NIPSNAP3A: variants seen among roughly 807,000 people sequenced by gnomAD.
NIPSNAP3A encodes protein NipSnap homolog 3A.
NIPSNAP3A carries 27 observed loss-of-function variants against 32.3 expected under a neutral mutation model. That is an observed-to-expected ratio of 0.84 (90% CI 0.62 to 1.15). NIPSNAP3A has a LOEUF of 1.15. Ranked by LOEUF, NIPSNAP3A falls within the 50% of genes most tolerant of loss-of-function variation. NIPSNAP3A has a pLI of 0.00. For synonymous variants in NIPSNAP3A, 108 were observed against 107.3 expected (o/e 1.01, Z -0.04); for missense variants, 278 against 297.2 (o/e 0.94, Z 0.48).
At chr9:104,758,016 T>G (rs889674055) in intron 4 of NIPSNAP3A, among the ~76,000 whole-genome samples, 3 of 152,156 alleles carry the variant, frequency 2.0e-5, no homozygotes, top group Admixed American at 2.0e-4. Context: ...ATCTGCATTT[T>G]CCTATACATC....
chr9:104,754,383 T>A, intron 3 of NIPSNAP3A, 168 bp from the exon 4 acceptor site: 1 of 599,640 alleles, frequency 1.7e-6, no homozygotes, highest in Non-Finnish European at 2.9e-6. Flanking sequence ...AAGGACTTTC[T>A]AAGCATAAAA....
intron 1 of NIPSNAP3A, among the ~76,000 whole-genome samples, chr9:104,750,684 C>T (rs928641846): frequency 6.6e-6 from 1 of 152,200 alleles, no homozygotes; most frequent in Non-Finnish European, 1.5e-5. Context: ...CTCAGGCCCA[C>T]TCCTACCCTG....
chr9:104,758,967 G>A (rs377261772), intron 4 of NIPSNAP3A, 118 bp from the exon 5 acceptor site: 2 of 932,166 alleles, frequency 2.1e-6, no homozygotes, highest in East Asian at 3.0e-5. Flanking sequence ...TGAAACTCTT[G>A]TTTCAAAAAA....
chr9:104,748,234 C>T (rs1275594931), intron 1 of NIPSNAP3A, among the ~76,000 whole-genome samples: 1 of 152,192 alleles, frequency 6.6e-6, no homozygotes, highest in Non-Finnish European at 1.5e-5. Flanking sequence ...GCTGTGGAGC[C>T]GCGGGTGGAG....
chr9:104,752,058 C>T (rs1295472741), intron 2 of NIPSNAP3A, among the ~76,000 whole-genome samples: 5 of 152,132 alleles, frequency 3.3e-5, no homozygotes, highest in Non-Finnish European at 5.9e-5. Context: ...ATTAAAAAAA[C>T]TAAGTTCTGA....
chr9:104,754,751 T>C, intron 4 of NIPSNAP3A, 51 bp downstream of exon 4: 15 of 1,436,758 alleles, frequency 1.0e-5, no homozygotes, highest in Non-Finnish European at 1.4e-5. Context: ...TATTGTGACC[T>C]AAGTTCCTTG....
At chr9:104,756,970 A>C (rs968191099) in intron 4 of NIPSNAP3A, among the ~76,000 whole-genome samples, 1 of 151,704 alleles carries the variant, frequency 6.6e-6, no homozygotes, top group Non-Finnish European at 1.5e-5. Context: ...TGCCCAGCTA[A>C]TTTTTGTATT....
chr9:104,754,063 C>T (rs1173362810), intron 3 of NIPSNAP3A: 1 of 153,914 alleles, frequency 6.5e-6, no homozygotes, highest in African/African-American at 2.4e-5. Flanking sequence ...AAAGATATCA[C>T]TTCAGGTCCA....
Position 104,759,957 on chromosome 9 carries a change from G to A in NIPSNAP3A, c.*619G>A, listed in dbSNP as rs1209464827. ...GTCCTGGTATTAAAAATCTAGAAAA[G>A]ACTTGTTGGTTTATGTGCTGAAATG... On this transcript the variant is annotated 3_prime_UTR_variant, in exon 6 of 6. Coordinates refer to ENST00000374767, the MANE Select transcript of NIPSNAP3A (RefSeq NM_015469.3). 6.6e-6 allele frequency: 1 copy of A among 152,170 alleles called. No homozygotes were observed. 9.4% of individuals were successfully genotyped at this position (152,170 alleles called of 1,614,324 possible).
At chr9:104,753,200 G>T in intron 3 of NIPSNAP3A, 136 bp downstream of exon 3, 1 of 741,654 alleles carries the variant, frequency 1.3e-6, no homozygotes, top group South Asian at 1.7e-5. Context: ...TGATTGTTGT[G>T]GTAAAAATAA....
chr9:104,751,020 A>G lies in NIPSNAP3A; in HGVS notation c.125A>G (p.Tyr42Cys). ...YDGIFYEFRS[Y>C]YLKPSKMNEF... is the part of the protein sequence containing the mutation. ...GGAATATTCTATGAATTTCGTTCTT[A>G]TTACCTTAAGCCCTCAAAGATGAAT... is the stretch of plus-strand genomic sequence containing the variant. Residue 42 changes from tyrosine to cysteine, a missense_variant, in exon 2 of 6, where the codon TAT becomes TGT. Tyr to Cys is a radical substitution (Grantham distance 194, BLOSUM62 -2). Transcript: ENST00000374767. The G allele has an allele frequency of 6.2e-7, 1 of 1,614,010 alleles. No homozygotes were observed. Among genetic ancestry groups the G allele is most frequent in the Non-Finnish European group, 8.5e-7 (1 of 1,179,898 alleles).
At chr9:104,756,288 A>G (rs1827905574) in intron 4 of NIPSNAP3A, among the ~76,000 whole-genome samples, 1 of 152,176 alleles carries the variant, frequency 6.6e-6, no homozygotes, top group Admixed American at 6.5e-5. Context: ...TTTATTTAAT[A>G]ATGTGGATTG....
chr9:104,750,334 G>T (rs1237124663), intron 1 of NIPSNAP3A, among the ~76,000 whole-genome samples: 2 of 152,126 alleles, frequency 1.3e-5, no homozygotes, highest in Non-Finnish European at 1.5e-5. Context: ...GTGGCTAAAG[G>T]TGACAGTGAA....
At chr9:104,747,925 C>G (rs1403950193) in intron 1 of NIPSNAP3A, 73 bp downstream of exon 1, 1 of 1,405,784 alleles carries the variant, frequency 7.1e-7, no homozygotes, top group Non-Finnish European at 9.7e-7. Context: ...GTTCCGGGTA[C>G]GTGCGAGCAA....
rs192627256 is a variant in NIPSNAP3A at position 104,754,969 on chromosome 9, G to A, written c.580+269G>A. 4.7e-4 allele frequency among the ~76,000 whole-genome samples: 72 copies of A among 152,142 alleles called. 1 individual carries two copies. In the East Asian group the frequency reaches 8.3e-3, roughly 18 times the overall value. ...AACTGAAGGAACCTCGGCTGGGCAC[G>A]GTAGCTCAGGCCTGTAATCCCAGCA... On this transcript the variant is annotated intron_variant, in intron 4 of 5. Transcript: ENST00000374767.
intron 3 of NIPSNAP3A, among the ~76,000 whole-genome samples, chr9:104,753,331 T>C (rs1006943412): frequency 2.6e-5 from 4 of 152,174 alleles, no homozygotes; most frequent in Non-Finnish European, 5.9e-5. Flanking sequence ...ACATGGTCAG[T>C]AGAGGTTGAG....
chr9:104,753,891 C>A, intron 3 of NIPSNAP3A: 1 of 152,554 alleles, frequency 6.6e-6, no homozygotes, highest in Non-Finnish European at 1.5e-5. Context: ...TACATCACTG[C>A]TTGGAAATTT....
At chr9:104,752,840 A>AC (rs1277343749) in intron 2 of NIPSNAP3A, 66 bp from the exon 3 acceptor site, 6 of 1,389,442 alleles carry the variant, frequency 4.3e-6, no homozygotes, top group Non-Finnish European at 6.1e-6. Flanking sequence ...TGTGAATGAA[A>AC]CCCAGAAAAG....
intron 1 of NIPSNAP3A, among the ~76,000 whole-genome samples, chr9:104,750,618 T>G (rs1253950947): frequency 6.6e-6 from 1 of 152,192 alleles, no homozygotes; most frequent in Non-Finnish European, 1.5e-5. Context: ...ATGGGACACC[T>G]CTAGAGGGTA....
Sources: allele counts gnomAD v4.1 joint callset (sites outside exome capture counted in the v4.1 genomes callset), GRCh38; gene constraint gnomAD v4.1.1; transcripts MANE v1.5; gene names NCBI Gene and HGNC (gene_info 2026-07-23, HGNC 2026-07-21).